AZGP1: variants seen among roughly 807,000 people sequenced by gnomAD.
AZGP1 encodes the protein alpha-2-glycoprotein 1, zinc-binding.
AZGP1 carries 28 observed loss-of-function variants against 31.5 expected under a neutral mutation model. The observed-to-expected ratio is 0.89, with a 90% CI of 0.66 to 1.22. The LOEUF is 1.22. AZGP1 is among the 50% of genes most tolerant of loss of function. The pLI, the probability that AZGP1 is intolerant of heterozygous loss-of-function variation, is 0.00. For missense variants in AZGP1, 361 were observed against 371.8 expected, an observed-to-expected ratio of 0.97 and a Z score of 0.24; for synonymous variants, 135 against 145.4, an observed-to-expected ratio of 0.93 and a Z score of 0.51.
intron 1 of AZGP1, 81 bp from the exon 2 acceptor site, chr7:99,972,087 T>A (rs1789589173): frequency 1.4e-6 from 2 of 1,463,962 alleles, no homozygotes; most frequent in South Asian, 2.8e-5. Context: ...AGGGGAGACC[T>A]GCCACTGGCC....
intron 1 of AZGP1, 117 bp downstream of exon 1, chr7:99,975,828 A>G (rs545115069): frequency 9.6e-4 from 1,086 of 1,125,720 alleles, no homozygotes; most frequent in Non-Finnish European, 1.3e-3. Context: ...TTGGGCACCC[A>G]TTCCTGCCGT....
At position 99,971,885 on chromosome 7, in the gene AZGP1, C is replaced by T; in HGVS notation, c.198G>A (p.Arg66=). 6.2e-7 allele frequency: 1 copy of T among 1,614,180 alleles called. No individual in the cohort carries two copies. Residue 66 remains arginine (R), a synonymous_variant, in exon 2 of 4, where the codon AGG becomes AGA. Transcript: ENST00000292401. ...TCCAGAGTCCCATGGGCTGAGACTT[C>T]CTGTCTTTACTGTTGTATCTAAAGA... ...LQFFRYNSKD[R]KSQPMGLWRQ...
At chr7:99,967,430 C>T in intron 3 of AZGP1, 144 bp from the exon 4 acceptor site, 1 of 918,266 alleles carries the variant, frequency 1.1e-6, no homozygotes, top group Non-Finnish European at 1.6e-6. Flanking sequence ...GGAGACTTTC[C>T]AGAATATCAG....
intron 2 of AZGP1, among the ~76,000 whole-genome samples, chr7:99,969,825 T>C (rs1562797785): frequency 6.6e-6 from 1 of 152,210 alleles, no homozygotes; most frequent in Non-Finnish European, 1.5e-5. Flanking sequence ...TGATCACTTC[T>C]TTCTACCTTT....
rs917129753 is a variant in AZGP1 at position 99,971,839 on chromosome 7, C to T, written c.244G>A (p.Asp82Asn). 27 of 1,614,014 alleles carry T rather than the reference C, an allele frequency of 1.7e-5. No homozygotes were observed. Among genetic ancestry groups the T allele is most frequent in the Non-Finnish European group, 2.2e-5 (26 of 1,180,026 alleles). Residue 82 changes from aspartate (D) to asparagine (N), a missense_variant, in exon 2 of 4, where the codon GAT becomes AAT. Transcript: ENST00000292401. ...TGAAGTTGGCTGTCCTGCTTCCAAT[C>T]CTCCATTCCTTCCACCTGTCTCCAG... ...GLWRQVEGME[D>N]WKQDSQLQKA...
chr7:99,971,728 G>A lies in AZGP1; in HGVS notation c.337+18C>T, dbSNP rs900677174. ...CTTGGGTTAGACCTTCCACCCCTGT[G>A]GTCTGTTATTCACTGACCGTTACTG... On this transcript the variant is annotated intron_variant, in intron 2 of 3. Coordinates refer to ENST00000292401, the MANE Select transcript of AZGP1 (RefSeq NM_001185.4). 1 of 1,610,174 alleles carries A rather than the reference G, an allele frequency of 6.2e-7. No homozygotes were observed.
At chr7:99,968,042 T>C (rs1266470646) in intron 3 of AZGP1, 113 bp downstream of exon 3, 1 of 1,365,980 alleles carries the variant, frequency 7.3e-7, no homozygotes, top group East Asian at 2.3e-5. Context: ...AAGCTGGGGG[T>C]CTGAGGGACA....
At chr7:99,968,086 C>T (rs1286787312) in intron 3 of AZGP1, 69 bp downstream of exon 3, 2 of 1,579,494 alleles carry the variant, frequency 1.3e-6, no homozygotes, top group African/African-American at 1.3e-5. Context: ...TAAGATGTTG[C>T]CTGAGCTCCT....
chr7:99,975,257 G>C (rs1380451983), intron 1 of AZGP1, among the ~76,000 whole-genome samples: 1 of 152,042 alleles, frequency 6.6e-6, no homozygotes, highest in Non-Finnish European at 1.5e-5. Flanking sequence ...CAAAGTGATT[G>C]TTATATAACA....
At chr7:99,967,432 G>T (rs1287955438) in intron 3 of AZGP1, 146 bp from the exon 4 acceptor site, 1 of 883,982 alleles carries the variant, frequency 1.1e-6, no homozygotes. Context: ...AGACTTTCCA[G>T]AATATCAGGG....
Position 99,966,908 on chromosome 7 carries a change from T to C in AZGP1, c.*95A>G. 2 of 1,498,936 alleles carry C rather than the reference T, an allele frequency of 1.3e-6. No homozygotes were observed. Among genetic ancestry groups the C allele is most frequent in the South Asian group, 2.6e-5 (2 of 78,064 alleles). 92.9% of individuals were successfully genotyped at this position (1,498,936 alleles called of 1,614,324 possible). A position where few individuals can be genotyped will look rare whatever the true frequency, so the allele number is the denominator to read the frequency against. On this transcript the variant is annotated 3_prime_UTR_variant, in exon 4 of 4. Coordinates refer to ENST00000292401, the MANE Select transcript of AZGP1 (RefSeq NM_001185.4). The stretch of plus-strand genomic sequence containing the variant: ...CACACTGCTCCTCAGGCCTTGTGGA[T>C]CCATTGACTGTGATTTCTGTGGTTC...
chr7:99,972,096 C>A, intron 1 of AZGP1, 90 bp from the exon 2 acceptor site: 2 of 1,415,804 alleles, frequency 1.4e-6, no homozygotes, highest in Non-Finnish European at 1.9e-6. Flanking sequence ...CTGCCACTGG[C>A]CTTTTCTTCC....
chr7:99,973,870 T>C lies in AZGP1; in HGVS notation c.77-1864A>G, dbSNP rs1046098853. On this transcript the variant is annotated intron_variant, in intron 1 of 3. Transcript: ENST00000292401. ...GGCAGAGGTTGCAGTGAGCCAAGAT[T>C]GCACCACTGCATTCCAGCCTGGGCA... Among the ~76,000 whole-genome samples the C allele has an allele frequency of 4.1e-5, 6 of 147,176 alleles. No homozygotes were observed. The Admixed American group carries it at 4.1e-4, about 10-fold the overall frequency.
intron 1 of AZGP1, among the ~76,000 whole-genome samples, chr7:99,973,460 C>A (rs970706336): frequency 6.6e-6 from 1 of 151,912 alleles, no homozygotes; most frequent in African/African-American, 2.4e-5. Context: ...AATCAGTAGA[C>A]CCTACAATTG....
intron 1 of AZGP1, among the ~76,000 whole-genome samples, chr7:99,974,184 G>A (rs1010624138): frequency 1.3e-5 from 2 of 151,762 alleles, no homozygotes; most frequent in Non-Finnish European, 2.9e-5. Flanking sequence ...AACAGGCGGA[G>A]GTTTGCAGTA....
chr7:99,972,684 C>A (rs868489979), intron 1 of AZGP1, among the ~76,000 whole-genome samples: 1 of 151,964 alleles, frequency 6.6e-6, no homozygotes, highest in Non-Finnish European at 1.5e-5. Context: ...CATGGTGGTG[C>A]GGGCCTGTAA....
intron 2 of AZGP1, among the ~76,000 whole-genome samples, chr7:99,971,134 T>G (rs886902953): frequency 2.0e-5 from 3 of 152,212 alleles, no homozygotes; most frequent in Admixed American, 1.3e-4. Flanking sequence ...CTCTGTTGAT[T>G]CCACAAATTT....
chr7:99,967,324 T>TG, intron 3 of AZGP1, 38 bp from the exon 4 acceptor site: 1 of 1,597,080 alleles, frequency 6.3e-7, no homozygotes, highest in Non-Finnish European at 8.5e-7. Flanking sequence ...AGGCTTGAGG[T>TG]GGACTTCTCC....
chr7:99,972,850 G>A (rs1167543473), intron 1 of AZGP1, among the ~76,000 whole-genome samples: 2 of 152,052 alleles, frequency 1.3e-5, no homozygotes, highest in African/African-American at 4.8e-5. Flanking sequence ...GGGCTCAGTG[G>A]CTCACGCCTG....
Sources: allele counts gnomAD v4.1 joint callset (sites outside exome capture counted in the v4.1 genomes callset), GRCh38; gene constraint gnomAD v4.1.1; transcripts MANE v1.5; gene names NCBI Gene and HGNC (gene_info 2026-07-23, HGNC 2026-07-21).